Variants in PDE4D observed in about 807,000 individuals in gnomAD.
PDE4D encodes the protein 3',5'-cyclic-AMP phosphodiesterase 4D.
In PDE4D, 24 loss-of-function variants were observed where a neutral mutation model predicts 87.4. That is an observed-to-expected ratio of 0.27 (90% confidence interval 0.20 to 0.39). The LOEUF (loss-of-function observed/expected upper bound fraction) is 0.39. Among genes scored for constraint, PDE4D ranks in the 10% least tolerant of loss-of-function variants. The pLI is 1.00. For synonymous variants in PDE4D, 384 were observed against 383.2 expected (o/e 1.00, Z -0.02); for missense variants, 714 against 1,041.0 (o/e 0.69, Z 4.32).
intron 1 of PDE4D, among the ~76,000 whole-genome samples, chr5:59,494,242 T>C (rs530725628): frequency 6.6e-6 from 1 of 152,312 alleles, no homozygotes; most frequent in African/African-American, 2.4e-5. Context: ...GAATTTGCAA[T>C]GTGTCAGATA....
intron 1 of PDE4D, among the ~76,000 whole-genome samples, chr5:59,378,902 G>C (rs1785222397): frequency 6.6e-6 from 1 of 152,074 alleles, no homozygotes; most frequent in Admixed American, 6.6e-5. Flanking sequence ...CATTTATAGG[G>C]AAAGGCAAGG....
At chr5:60,514,608 T>C (rs908009597) in intron 1 of PDE4D, among the ~76,000 whole-genome samples, 1 of 152,014 alleles carries the variant, frequency 6.6e-6, no homozygotes, top group Non-Finnish European at 1.5e-5. Context: ...TATCAACAGA[T>C]TCAGAAATGC....
intron 1 of PDE4D, among the ~76,000 whole-genome samples, chr5:59,847,778 G>A (rs1033633796): frequency 6.6e-6 from 1 of 152,070 alleles, no homozygotes; most frequent in Non-Finnish European, 1.5e-5. Context: ...TGAAAGTCCT[G>A]CCTGAAACCA....
chr5:59,247,425 G>C (rs1759070928), intron 1 of PDE4D, among the ~76,000 whole-genome samples: 1 of 152,130 alleles, frequency 6.6e-6, no homozygotes, highest in Non-Finnish European at 1.5e-5. Context: ...TGTAACTCAA[G>C]ATTAAGGGCA....
At chr5:60,215,237 A>G (rs1583101630) in intron 1 of PDE4D, among the ~76,000 whole-genome samples, 1 of 152,200 alleles carries the variant, frequency 6.6e-6, no homozygotes, top group Non-Finnish European at 1.5e-5. Context: ...TCTGGTATAT[A>G]CACAACAAGA....
At chr5:59,986,155 A>G (rs901241204) in intron 3 of PDE4D, among the ~76,000 whole-genome samples, 1 of 152,152 alleles carries the variant, frequency 6.6e-6, no homozygotes, top group Non-Finnish European at 1.5e-5. Context: ...AGCAGGCTGA[A>G]GCGATCCTCC....
At chr5:60,382,572 T>G (rs1761936945) in intron 1 of PDE4D, among the ~76,000 whole-genome samples, 1 of 152,162 alleles carries the variant, frequency 6.6e-6, no homozygotes, top group Non-Finnish European at 1.5e-5. Context: ...ACATGTTTGA[T>G]CATTTCAGAA....
intron 1 of PDE4D, among the ~76,000 whole-genome samples, chr5:59,839,610 T>C (rs765047590): frequency 6.6e-6 from 1 of 152,080 alleles, no homozygotes; most frequent in Non-Finnish European, 1.5e-5. Context: ...CTCGATGATA[T>C]GATGCAGTGT....
intron 1 of PDE4D, among the ~76,000 whole-genome samples, chr5:59,425,361 T>C (rs914599778): frequency 6.6e-6 from 1 of 152,214 alleles, no homozygotes; most frequent in Admixed American, 6.5e-5. Context: ...ACTGACATTC[T>C]GGGTCAAATA....
chr5:59,599,946 T>C (rs1207298285), intron 1 of PDE4D, among the ~76,000 whole-genome samples: 2 of 152,230 alleles, frequency 1.3e-5, no homozygotes, highest in Non-Finnish European at 2.9e-5. Context: ...CTGGCAGATG[T>C]TGAAAGCTGC....
chr5:59,794,151 A>G (rs867934096), intron 1 of PDE4D, among the ~76,000 whole-genome samples: 20,226 of 119,070 alleles, frequency 0.17, 1,688 homozygotes, highest in Middle Eastern at 0.28. Flanking sequence ...ACACACACAC[A>G]CACACACACA....
chr5:60,260,310 A>T (rs1312995780), intron 1 of PDE4D, among the ~76,000 whole-genome samples: 4 of 152,030 alleles, frequency 2.6e-5, no homozygotes, highest in Non-Finnish European at 5.9e-5. Flanking sequence ...TGACAGAATC[A>T]TGGTTGGAGC....
At chr5:59,369,531 A>G (rs1206664078) in intron 1 of PDE4D, among the ~76,000 whole-genome samples, 1 of 152,132 alleles carries the variant, frequency 6.6e-6, no homozygotes, top group Non-Finnish European at 1.5e-5. Flanking sequence ...AGAAAAGTTA[A>G]TACAGTGTGT....
intron 1 of PDE4D, among the ~76,000 whole-genome samples, chr5:59,722,299 A>G (rs1370926288): frequency 6.6e-6 from 1 of 152,230 alleles, no homozygotes; most frequent in Non-Finnish European, 1.5e-5. Context: ...GAAATGTGCA[A>G]GTCTCTAATA....
At chr5:59,610,895 A>G (rs1371393941) in intron 1 of PDE4D, among the ~76,000 whole-genome samples, 1 of 152,188 alleles carries the variant, frequency 6.6e-6, no homozygotes, top group Admixed American at 6.6e-5. Flanking sequence ...GGAGAAAAAC[A>G]GAAAATGCTG....
At chr5:60,189,169 T>C (rs190877745) in intron 1 of PDE4D, among the ~76,000 whole-genome samples, 29 of 152,248 alleles carry the variant, frequency 1.9e-4, no homozygotes, top group Middle Eastern at 6.8e-3. Flanking sequence ...AAGAGTCAGC[T>C]CCTGCAGGGA....
intron 1 of PDE4D, among the ~76,000 whole-genome samples, chr5:59,838,408 G>C (rs1393857169): frequency 6.6e-6 from 1 of 152,064 alleles, no homozygotes; most frequent in Non-Finnish European, 1.5e-5. Flanking sequence ...CAGTCCAGGG[G>C]TGTTTCCACC....
intron 1 of PDE4D, chr5:59,586,605 T>C: frequency 7.7e-7 from 1 of 1,299,856 alleles, no homozygotes; most frequent in Non-Finnish European, 9.7e-7. Context: ...GCACTGCAGG[T>C]ATGGGTCCAT....
At chr5:60,360,870 C>T (rs1760001865) in intron 1 of PDE4D, among the ~76,000 whole-genome samples, 2 of 152,218 alleles carry the variant, frequency 1.3e-5, no homozygotes, top group South Asian at 2.1e-4. Context: ...ACGCAGTCTT[C>T]ACTCCACGAC....
Sources: allele counts gnomAD v4.1 joint callset (sites outside exome capture counted in the v4.1 genomes callset), GRCh38; gene constraint gnomAD v4.1.1; transcripts MANE v1.5; gene names NCBI Gene and HGNC (gene_info 2026-07-23, HGNC 2026-07-21).